Variants in SAV1 observed in about 807,000 individuals in gnomAD.
SAV1 encodes salvador family WW domain containing protein 1.
Under a neutral mutation model 47.3 loss-of-function variants are expected in SAV1, and 23 were observed. The ratio of observed to expected loss-of-function variants is 0.49; its 90% CI spans 0.35 to 0.69. The LOEUF (loss-of-function observed/expected upper bound fraction) is 0.69. Among genes scored for constraint, SAV1 ranks in the 30% least tolerant of loss-of-function variants. The probability of loss-of-function intolerance (pLI) is 0.01; values close to 1 mark genes in which losing one functional copy is unlikely to be tolerated. For synonymous variants in SAV1, 155 were observed against 159.2 expected, an observed-to-expected ratio of 0.97 and a Z score of 0.20; for missense variants, 448 against 457.4, an observed-to-expected ratio of 0.98 and a Z score of 0.19.
rs189930652 is a variant in SAV1 at position 50,663,763 on chromosome 14, C to T, written c.535+1416G>A. The stretch of plus-strand genomic sequence containing the variant: ...TAGGAATCTACCCTTAATTCTAGTA[C>T]AAAACTAATCTTTAAACACTGCTTT... On this transcript the variant is annotated intron_variant, in intron 2 of 4. Transcript: ENST00000324679. Among the ~76,000 whole-genome samples, 18 of 152,250 alleles carry T rather than the reference C, an allele frequency of 1.2e-4. No individual in the cohort carries two copies. In the East Asian group the frequency reaches 2.9e-3, roughly 24 times the overall value.
At chr14:50,659,441 A>C (rs77604190) in intron 2 of SAV1, among the ~76,000 whole-genome samples, 5,126 of 152,292 alleles carry the variant, frequency 0.034, 92 homozygotes, top group Middle Eastern at 0.051. Context: ...TTCCACCTCC[A>C]TGTATGACTG....
chr14:50,660,945 C>T (rs1307457215), intron 2 of SAV1, among the ~76,000 whole-genome samples: 1 of 152,200 alleles, frequency 6.6e-6, no homozygotes, highest in Non-Finnish European at 1.5e-5. Flanking sequence ...CTTTGATATA[C>T]TGATTTCTTT....
At chr14:50,667,389 A>AG (rs1324850441) in intron 1 of SAV1, 1 of 455,960 alleles carries the variant, frequency 2.2e-6, no homozygotes, top group South Asian at 1.5e-5. Context: ...CACCTTCTCA[A>AG]GTCTGCATCC....
chr14:50,667,046 C>A (rs899341946), intron 1 of SAV1, among the ~76,000 whole-genome samples: 12 of 152,026 alleles, frequency 7.9e-5, no homozygotes, highest in African/African-American at 2.9e-4. Context: ...GGGCCCAGGG[C>A]GCAGTAAGAG....
At chr14:50,648,542 G>C (rs1466951648) in intron 2 of SAV1, among the ~76,000 whole-genome samples, 1 of 152,162 alleles carries the variant, frequency 6.6e-6, no homozygotes, top group East Asian at 1.9e-4. Context: ...CACTTTGGGA[G>C]GCCGAGGCGG....
At chr14:50,641,121 T>C (rs2039678213) in intron 3 of SAV1, among the ~76,000 whole-genome samples, 1 of 152,300 alleles carries the variant, frequency 6.6e-6, no homozygotes, top group Admixed American at 6.5e-5. Context: ...AGTTTTAACC[T>C]TTATACAAAG....
At position 50,662,317 on chromosome 14, in the gene SAV1, T is replaced by C. The variant is rs796177499; in HGVS notation, c.535+2862A>G. On this transcript the variant is annotated intron_variant, in intron 2 of 4. Coordinates refer to ENST00000324679, the MANE Select transcript of SAV1 (RefSeq NM_021818.4). ...CCAAGTAGCTGGGACTACAGGCGCC[T>C]GCCACCACGCCCGGCTAATTTTTTT... Among the ~76,000 whole-genome samples the C allele has an allele frequency of 1.1e-4, 16 of 152,212 alleles. 1 individual carries two copies. The highest frequency in any genetic ancestry group is 3.1e-4 in the African/African-American group (13 of 41,550).
Position 50,667,909 on chromosome 14 carries a change from T to C in SAV1, c.59A>G (p.Lys20Arg). ...EVSKPAEVQG[K>R]YVKKETSPLL... Reference sequence around the variant, plus strand: ...AGGCGACGTCTCCTTCTTCACGTACTTCCCCTGCACCTCGGCCGGCTTGGA... The same window carrying C: ...AGGCGACGTCTCCTTCTTCACGTACCTCCCCTGCACCTCGGCCGGCTTGGA... The change falls in exon 1 of 5, where the codon AAG becomes AGG. Residue 20 changes from lysine to arginine, a missense_variant. Coordinates refer to ENST00000324679, the MANE Select transcript of SAV1 (RefSeq NM_021818.4). 1 of 1,612,764 alleles carries C rather than the reference T, an allele frequency of 6.2e-7. No individual in the cohort carries two copies. Among genetic ancestry groups the C allele is most frequent in the Non-Finnish European group, 8.5e-7 (1 of 1,179,294 alleles).
At chr14:50,650,658 A>G (rs72681609) in intron 2 of SAV1, among the ~76,000 whole-genome samples, 25,861 of 152,206 alleles carry the variant, frequency 0.17, 2,456 homozygotes, top group Middle Eastern at 0.26. Context: ...TGAGAAGCCC[A>G]TGAGTGAGGA....
chr14:50,653,305 G>A (rs549429728), intron 2 of SAV1, among the ~76,000 whole-genome samples: 1 of 152,094 alleles, frequency 6.6e-6, no homozygotes, highest in African/African-American at 2.4e-5. Flanking sequence ...GGTGGCTAGG[G>A]TATCAATTCA....
intron 2 of SAV1, among the ~76,000 whole-genome samples, chr14:50,659,073 A>ATTTTT (rs33946852): frequency 7.6e-6 from 1 of 131,124 alleles, no homozygotes; most frequent in Non-Finnish European, 1.6e-5. Flanking sequence ...GCTGTAAAGA[A>ATTTTT]TTTTTTTTTT....
intron 2 of SAV1, among the ~76,000 whole-genome samples, chr14:50,660,835 G>C (rs568928621): frequency 2.0e-5 from 3 of 152,268 alleles, no homozygotes; most frequent in Admixed American, 6.5e-5. Flanking sequence ...AAGAACATGA[G>C]ACACTTCTCT....
intron 1 of SAV1, among the ~76,000 whole-genome samples, chr14:50,666,536 T>C (rs1173844470): frequency 6.6e-6 from 1 of 152,150 alleles, no homozygotes; most frequent in Non-Finnish European, 1.5e-5. Context: ...TAAATAAGGC[T>C]CAACACTTGA....
chr14:50,636,250 A>T (rs1350721348), intron 4 of SAV1, among the ~76,000 whole-genome samples: 1 of 152,172 alleles, frequency 6.6e-6, no homozygotes, highest in Non-Finnish European at 1.5e-5. Flanking sequence ...TTGTGCTTGC[A>T]AATGATAATG....
chr14:50,656,015 A>G (rs1243635571), intron 2 of SAV1, among the ~76,000 whole-genome samples: 1 of 152,232 alleles, frequency 6.6e-6, no homozygotes, highest in Non-Finnish European at 1.5e-5. Flanking sequence ...ATTGCACTCC[A>G]GCCTGGGCAA....
chr14:50,653,270 C>T (rs1289215596), intron 2 of SAV1, among the ~76,000 whole-genome samples: 1 of 152,118 alleles, frequency 6.6e-6, no homozygotes, highest in Non-Finnish European at 1.5e-5. Context: ...CGTTAAAAAT[C>T]CATGAGTTCA....
intron 2 of SAV1, among the ~76,000 whole-genome samples, chr14:50,656,749 T>C (rs1260091498): frequency 2.0e-5 from 3 of 152,156 alleles, no homozygotes; most frequent in Non-Finnish European, 2.9e-5. Context: ...GCCCCAGCTG[T>C]ACTTTCTGAA....
chr14:50,645,375 C>A (rs1002656689), intron 2 of SAV1, among the ~76,000 whole-genome samples: 3 of 152,134 alleles, frequency 2.0e-5, no homozygotes, highest in African/African-American at 4.8e-5. Flanking sequence ...GAAAATTCCA[C>A]ACCTGACCTT....
chr14:50,658,201 C>T lies in SAV1; in HGVS notation c.535+6978G>A, dbSNP rs183076814. ...GTTACACAAATATTTACACATTACC[C>T]GAGTAACTGCAAATCCAGTATTTCT... On this transcript the variant is annotated intron_variant, in intron 2 of 4. Transcript: ENST00000324679. Among the ~76,000 whole-genome samples, 66 of 152,304 alleles carry T rather than the reference C, an allele frequency of 4.3e-4. 1 individual carries two copies. Among genetic ancestry groups the T allele is most frequent in the Non-Finnish European group, 5.9e-5 (4 of 68,016 alleles).
Sources: gnomAD v4.1 joint callset for allele counts (sites outside exome capture counted in the v4.1 genomes callset) on GRCh38, gnomAD v4.1.1 for gene constraint, MANE v1.5 for transcripts, NCBI Gene and HGNC (gene_info 2026-07-23, HGNC 2026-07-21) for gene names.